The following PDE4D variants were observed in gnomAD, a reference collection of about 807,000 sequenced individuals.
PDE4D encodes phosphodiesterase 4D, also known as 3',5'-cyclic-AMP phosphodiesterase 4D.
PDE4D carries 24 observed loss-of-function variants against 87.4 expected under a neutral mutation model. The observed-to-expected ratio is 0.27, with a 90% CI of 0.20 to 0.39. PDE4D has a LOEUF of 0.39. Among genes scored for constraint, PDE4D ranks in the 10% least tolerant of loss-of-function variants. The pLI is 1.00. For synonymous variants in PDE4D, 384 were observed against 383.2 expected (o/e 1.00, Z -0.02); for missense variants, 714 against 1,041.0 (o/e 0.69, Z 4.32).
chr5:60,265,571 G>A (rs1750114277), intron 1 of PDE4D, among the ~76,000 whole-genome samples: 1 of 152,140 alleles, frequency 6.6e-6, no homozygotes, highest in African/African-American at 2.4e-5. Flanking sequence ...CTGACACAGT[G>A]GCAGAGCAGA....
intron 5 of PDE4D, among the ~76,000 whole-genome samples, chr5:59,127,949 C>T (rs552942671): frequency 1.3e-5 from 2 of 151,772 alleles, no homozygotes; most frequent in African/African-American, 4.8e-5. Context: ...CCTGCAAGGA[C>T]CCCCTGAAGG....
intron 1 of PDE4D, among the ~76,000 whole-genome samples, chr5:59,340,585 G>C (rs1054801559): frequency 1.3e-5 from 2 of 151,954 alleles, no homozygotes; most frequent in African/African-American, 4.8e-5. Context: ...TATTGTGACT[G>C]CAATCAGTCT....
intron 1 of PDE4D, among the ~76,000 whole-genome samples, chr5:60,287,164 G>A (rs1752497134): frequency 6.6e-6 from 1 of 152,164 alleles, no homozygotes; most frequent in South Asian, 2.1e-4. Context: ...AGCACAGACG[G>A]ATACAAAAAT....
At position 59,562,990 on chromosome 5, in the gene PDE4D, T is replaced by C. The variant is rs376361162; in HGVS notation, c.455+330178A>G. On this transcript the variant is annotated intron_variant, in intron 1 of 14. Transcript: ENST00000340635. ...TGTCTCACTTCCTTCCGGTGTTGCTTAGCTATTGATAAATATTAAGGTGCA... is the reference window on the plus strand; with the variant it reads ...TGTCTCACTTCCTTCCGGTGTTGCTCAGCTATTGATAAATATTAAGGTGCA... Among the ~76,000 whole-genome samples the C allele has an allele frequency of 2.0e-5, 3 of 152,292 alleles. No homozygotes were observed. The East Asian group carries it at 5.8e-4, about 30-fold the overall frequency.
At chr5:60,045,144 T>C (rs1376613608) in intron 2 of PDE4D, among the ~76,000 whole-genome samples, 2 of 152,140 alleles carry the variant, frequency 1.3e-5, no homozygotes, top group African/African-American at 2.4e-5. Context: ...CATGTGTTTT[T>C]TGGCTGCATA....
intron 1 of PDE4D, among the ~76,000 whole-genome samples, chr5:59,309,163 C>T (rs537545567): frequency 6.6e-6 from 1 of 152,246 alleles, no homozygotes; most frequent in East Asian, 1.9e-4. Context: ...GCTTGAAAAT[C>T]TGCCCCAGGC....
intron 5 of PDE4D, among the ~76,000 whole-genome samples, chr5:59,081,822 C>T (rs112440697): frequency 6.6e-6 from 1 of 152,116 alleles, no homozygotes; most frequent in Non-Finnish European, 1.5e-5. Flanking sequence ...TTTGGCCATG[C>T]CCTAACCAAA....
intron 1 of PDE4D, among the ~76,000 whole-genome samples, chr5:59,462,591 C>G (rs901311787): frequency 6.6e-6 from 1 of 152,120 alleles, no homozygotes; most frequent in Non-Finnish European, 1.5e-5. Context: ...ATACCACCAG[C>G]AACACTTTTC....
rs542409309 is a variant in PDE4D at position 59,059,291 on chromosome 5, A to G, written c.809-20320T>C. Among the ~76,000 whole-genome samples, 12 of 152,296 alleles carry G rather than the reference A, an allele frequency of 7.9e-5. No individual in the cohort carries two copies. In the East Asian group the frequency reaches 2.1e-3, roughly 27 times the overall value. ...GTGCCATGTCTGCCTTCTGTCAGCA[A>G]AATGGTAATATTGTCTACCTTAATC... On this transcript the variant is annotated intron_variant, in intron 5 of 14. Coordinates refer to ENST00000340635, the MANE Select transcript of PDE4D (RefSeq NM_001104631.2).
rs369829189 is a variant in PDE4D at position 59,244,680 on chromosome 5, CTGTGTGTGTGTGTGTGTGTGTGTGTG to C, written c.456-28738_456-28713del. On this transcript the variant is annotated intron_variant, in intron 1 of 14. Coordinates refer to ENST00000340635, the MANE Select transcript of PDE4D (RefSeq NM_001104631.2). ...GATATATGTATGTATGTGTGTGTGTCTGTGTGTGTGTGTGTGTGTGTGTGTGTGTGTGTGTGTGTGTGTATAGAGAG... is the reference window on the plus strand; with the variant it reads ...GATATATGTATGTATGTGTGTGTGTCTGTGTGTGTGTGTGTGTATAGAGAG... 9.2e-5 allele frequency among the ~76,000 whole-genome samples: 11 copies of C among 120,054 alleles called. No individual in the cohort carries two copies. The East Asian group carries it at 1.5e-3, about 16-fold the overall frequency. 78.8% of individuals were successfully genotyped at this position (120,054 alleles called of 152,430 possible).
chr5:59,427,832 A>G (rs1171311340), intron 1 of PDE4D, among the ~76,000 whole-genome samples: 1 of 152,002 alleles, frequency 6.6e-6, no homozygotes, highest in Non-Finnish European at 1.5e-5. Flanking sequence ...AAAAAAAAAA[A>G]AAAGAAATTG....
At chr5:59,909,264 T>C (rs1753177235) in intron 3 of PDE4D, among the ~76,000 whole-genome samples, 2 of 152,188 alleles carry the variant, frequency 1.3e-5, no homozygotes, top group South Asian at 4.1e-4. Flanking sequence ...TTATTCAAAA[T>C]GTGGCCTGAA....
intron 2 of PDE4D, among the ~76,000 whole-genome samples, chr5:60,155,696 G>A (rs1781905651): frequency 6.6e-6 from 1 of 152,132 alleles, no homozygotes; most frequent in Non-Finnish European, 1.5e-5. Context: ...TACGATGCTA[G>A]TTTATAACTG....
chr5:60,112,228 C>A (rs1267055759), intron 2 of PDE4D, among the ~76,000 whole-genome samples: 1 of 152,094 alleles, frequency 6.6e-6, no homozygotes, highest in Non-Finnish European at 1.5e-5. Context: ...TTTTAAAAAG[C>A]TTGATAATCC....
At chr5:59,677,436 A>G (rs2150351823) in intron 1 of PDE4D, among the ~76,000 whole-genome samples, 1 of 152,312 alleles carries the variant, frequency 6.6e-6, no homozygotes, top group Non-Finnish European at 1.5e-5. Context: ...ACTAATAGAG[A>G]CAGCAACCAA....
intron 2 of PDE4D, among the ~76,000 whole-genome samples, chr5:59,208,839 T>C (rs1749427287): frequency 6.6e-6 from 1 of 152,088 alleles, no homozygotes; most frequent in Non-Finnish European, 1.5e-5. Flanking sequence ...AAAAAGATAG[T>C]AAAAAGGTAT....
At chr5:59,349,251 G>C (rs1002933417) in intron 1 of PDE4D, among the ~76,000 whole-genome samples, 2 of 152,090 alleles carry the variant, frequency 1.3e-5, no homozygotes, top group Non-Finnish European at 2.9e-5. Context: ...AATTAAAAAG[G>C]CTTGTCAATT....
intron 1 of PDE4D, among the ~76,000 whole-genome samples, chr5:59,601,434 C>G (rs1305293376): frequency 6.7e-6 from 1 of 148,994 alleles, no homozygotes; most frequent in African/African-American, 2.5e-5. Flanking sequence ...TTTTTTTTAA[C>G]TCCTATGTCT....
At chr5:60,240,186 T>C (rs1746923247) in intron 1 of PDE4D, among the ~76,000 whole-genome samples, 1 of 152,114 alleles carries the variant, frequency 6.6e-6, no homozygotes, top group Admixed American at 6.6e-5. Flanking sequence ...AGTTCTTGAA[T>C]TGGATGCTGA....
Sources: allele counts gnomAD v4.1 joint callset (sites outside exome capture counted in the v4.1 genomes callset), GRCh38; gene constraint gnomAD v4.1.1; transcripts MANE v1.5; gene names NCBI Gene and HGNC (gene_info 2026-07-23, HGNC 2026-07-21).